Variants in PACRG observed in about 807,000 individuals in gnomAD.
PACRG encodes the protein parkin coregulated gene protein.
PACRG carries 29 observed loss-of-function variants against 29.7 expected under a neutral mutation model. The ratio of observed to expected loss-of-function variants is 0.98; its 90% CI spans 0.73 to 1.33. The LOEUF (loss-of-function observed/expected upper bound fraction) is 1.33, where lower values mean the gene tolerates loss of function less well. Ranked by LOEUF, PACRG falls within the 40% of genes most tolerant of loss-of-function variation. The pLI is 0.00. For missense variants in PACRG, 279 were observed against 316.2 expected, an observed-to-expected ratio of 0.88 and a Z score of 0.89; for synonymous variants, 116 against 118.7, an observed-to-expected ratio of 0.98 and a Z score of 0.15.
At chr6:163,290,286 ACAC>A (rs1784552801) in intron 4 of PACRG, among the ~76,000 whole-genome samples, 1 of 83,856 alleles carries the variant, frequency 1.2e-5, no homozygotes, top group Non-Finnish European at 2.7e-5. Flanking sequence ...GCGCACACAC[ACAC>A]ACACACACAC....
At chr6:162,935,171 G>A (rs560385483) in intron 2 of PACRG, among the ~76,000 whole-genome samples, 35 of 152,206 alleles carry the variant, frequency 2.3e-4, no homozygotes, top group Non-Finnish European at 4.4e-4. Context: ...AGAGAGGACC[G>A]TTTTGGGTTG....
chr6:162,820,675 C>G (rs1392049888), intron 2 of PACRG, among the ~76,000 whole-genome samples: 4 of 152,048 alleles, frequency 2.6e-5, no homozygotes, highest in African/African-American at 7.2e-5. Flanking sequence ...TCTGTTGCCC[C>G]TAAGGTAAAA....
intron 4 of PACRG, among the ~76,000 whole-genome samples, chr6:163,306,596 G>A (rs148969820): frequency 8.5e-4 from 129 of 152,302 alleles, no homozygotes; most frequent in African/African-American, 3.0e-3. Flanking sequence ...GAATGTAATA[G>A]CATTTGATGT....
chr6:163,311,639 C>CT (rs2128193923), intron 4 of PACRG, among the ~76,000 whole-genome samples: 1 of 152,286 alleles, frequency 6.6e-6, no homozygotes, highest in East Asian at 1.9e-4. Context: ...GGAGGTGTTC[C>CT]TTTTTTGGTC....
intron 2 of PACRG, among the ~76,000 whole-genome samples, chr6:162,891,708 C>G (rs1172833913): frequency 1.3e-5 from 2 of 152,088 alleles, no homozygotes; most frequent in African/African-American, 2.4e-5. Context: ...AGATAAAAGG[C>G]ACCTCTTTGG....
chr6:162,760,727 T>G (rs1390860347), intron 1 of PACRG, among the ~76,000 whole-genome samples: 1 of 152,094 alleles, frequency 6.6e-6, no homozygotes, highest in African/African-American at 2.4e-5. Flanking sequence ...TGGGAAGGCC[T>G]TTGGCTTTTA....
At chr6:163,045,116 T>C (rs1809198081) in intron 2 of PACRG, among the ~76,000 whole-genome samples, 1 of 152,016 alleles carries the variant, frequency 6.6e-6, no homozygotes, top group African/African-American at 2.4e-5. Context: ...CATCTTTTGG[T>C]GTGTGTAGGG....
chr6:163,038,726 A>G (rs1256886754), intron 2 of PACRG, among the ~76,000 whole-genome samples: 1 of 152,220 alleles, frequency 6.6e-6, no homozygotes, highest in African/African-American at 2.4e-5. Context: ...ATACATAAGC[A>G]TAATAAATGC....
Position 163,163,248 on chromosome 6 carries a change from G to T in PACRG, c.613+73840G>T, listed in dbSNP as rs200123968. On this transcript the variant is annotated intron_variant, in intron 4 of 4. Transcript: ENST00000366888. Reference sequence around the variant, plus strand: ...TCAGCTGCTTTATCAGCTCCACATGGTTTTTTTTGTTGTTTTTTGTTGTTG... The same window carrying T: ...TCAGCTGCTTTATCAGCTCCACATGTTTTTTTTTGTTGTTTTTTGTTGTTG... Among the ~76,000 whole-genome samples, 10 of 151,896 alleles carry T rather than the reference G, an allele frequency of 6.6e-5. No homozygotes were observed. The East Asian group carries it at 1.4e-3, about 21-fold the overall frequency.
chr6:163,226,298 G>A (rs757417961), intron 4 of PACRG, among the ~76,000 whole-genome samples: 3 of 152,148 alleles, frequency 2.0e-5, no homozygotes, highest in South Asian at 2.1e-4. Context: ...GTCTGGTGAC[G>A]CTGGTTAATA....
intron 4 of PACRG, among the ~76,000 whole-genome samples, chr6:163,168,423 G>T (rs1305712781): frequency 2.0e-5 from 3 of 152,120 alleles, no homozygotes; most frequent in African/African-American, 7.2e-5. Context: ...TGGGGGTGGG[G>T]GTGGAGTTTG....
chr6:163,314,240 GTGA>G (rs1327607462), intron 4 of PACRG, among the ~76,000 whole-genome samples: 4 of 152,214 alleles, frequency 2.6e-5, no homozygotes, highest in African/African-American at 9.7e-5. Flanking sequence ...CCAGCATTGA[GTGA>G]TAGTTCGGGA....
At chr6:162,837,525 C>A (rs2128402468) in intron 2 of PACRG, among the ~76,000 whole-genome samples, 1 of 152,202 alleles carries the variant, frequency 6.6e-6, no homozygotes, top group East Asian at 1.9e-4. Context: ...TAATCTATTT[C>A]TTTTAAGCAA....
intron 4 of PACRG, among the ~76,000 whole-genome samples, chr6:163,288,164 G>A (rs1339865776): frequency 1.3e-5 from 2 of 152,184 alleles, no homozygotes; most frequent in Non-Finnish European, 2.9e-5. Flanking sequence ...CGTCTCATGC[G>A]CTTGAAATGC....
chr6:163,043,466 T>A (rs1808964149), intron 2 of PACRG, among the ~76,000 whole-genome samples: 1 of 152,006 alleles, frequency 6.6e-6, no homozygotes, highest in Non-Finnish European at 1.5e-5. Context: ...GCAGGAGAAC[T>A]GCTTGAACCC....
intron 4 of PACRG, chr6:163,090,358 G>A (rs1427859797): frequency 2.6e-5 from 4 of 152,054 alleles, no homozygotes; most frequent in East Asian, 1.9e-4. Context: ...TAGTAGAACC[G>A]GCTTATATGT....
intron 2 of PACRG, among the ~76,000 whole-genome samples, chr6:162,845,908 C>A (rs759790796): frequency 2.0e-5 from 3 of 152,188 alleles, no homozygotes; most frequent in Non-Finnish European, 4.4e-5. Context: ...TTCCCAGCAT[C>A]ATTAGAGAGT....
intron 4 of PACRG, among the ~76,000 whole-genome samples, chr6:163,209,100 C>G (rs1781029788): frequency 6.6e-6 from 1 of 152,168 alleles, no homozygotes; most frequent in South Asian, 2.1e-4. Flanking sequence ...ATATTAGGCA[C>G]ATTTTTCTGA....
intron 4 of PACRG, chr6:163,190,800 G>T (rs977343346): frequency 8.5e-6 from 3 of 353,480 alleles, no homozygotes; most frequent in Non-Finnish European, 1.7e-5. Flanking sequence ...CCGCTCCAAA[G>T]ATAAAGTCAG....
Sources: gnomAD v4.1 joint callset for allele counts (sites outside exome capture counted in the v4.1 genomes callset) on GRCh38, gnomAD v4.1.1 for gene constraint, MANE v1.5 for transcripts, NCBI Gene and HGNC (gene_info 2026-07-23, HGNC 2026-07-21) for gene names.